GNB5: variants seen among roughly 807,000 people sequenced by gnomAD.
The protein encoded by GNB5 is guanine nucleotide-binding protein subunit beta-5.
Under a neutral mutation model 55.3 loss-of-function variants are expected in GNB5, and 37 were observed. The ratio of observed to expected loss-of-function variants is 0.67; its 90% confidence interval spans 0.51 to 0.88. GNB5 has a LOEUF of 0.88. Among genes scored for constraint, GNB5 ranks in the 40% least tolerant of loss-of-function variants. The probability of loss-of-function intolerance (pLI) is 0.00; values close to 1 mark genes in which losing one functional copy is unlikely to be tolerated. For synonymous variants in GNB5, 219 were observed against 198.5 expected (o/e 1.10, Z -0.87); for missense variants, 476 against 515.3 (o/e 0.92, Z 0.74).
At chr15:52,179,977 G>A in intron 2 of GNB5, 98 bp from the exon 3 acceptor site, 13 of 1,317,004 alleles carry the variant, frequency 9.9e-6, no homozygotes, top group Non-Finnish European at 1.3e-5. Context: ...CCCGAGCACC[G>A]CCCCGCGGCC....
At chr15:52,172,046 G>A (rs1487390786) in intron 3 of GNB5, among the ~76,000 whole-genome samples, 1 of 152,234 alleles carries the variant, frequency 6.6e-6, no homozygotes, top group Non-Finnish European at 1.5e-5. Flanking sequence ...TTCCTGGTCT[G>A]TCTGGTTTGA....
At chr15:52,190,410 C>T (rs1452528393) in intron 1 of GNB5, among the ~76,000 whole-genome samples, 1 of 152,166 alleles carries the variant, frequency 6.6e-6, no homozygotes, top group Non-Finnish European at 1.5e-5. Context: ...AGCCACCGCG[C>T]CCAGCCCAAA....
chr15:52,126,991 T>C (rs1467372538), intron 10 of GNB5, among the ~76,000 whole-genome samples: 2 of 152,106 alleles, frequency 1.3e-5, no homozygotes, highest in Non-Finnish European at 2.9e-5. Context: ...GAGATGGGGT[T>C]TCACCACATT....
intron 3 of GNB5, among the ~76,000 whole-genome samples, chr15:52,172,426 GCCT>G (rs1230578899): frequency 1.3e-5 from 2 of 151,896 alleles, no homozygotes; most frequent in Non-Finnish European, 2.9e-5. Context: ...ACCATGCCCG[GCCT>G]CCTTTTATTC....
In GNB5 at chr15:52,184,705, G is replaced by A; in HGVS notation, c.-18-11C>T. 1.9e-6 allele frequency: 3 copies of A among 1,603,584 alleles called. No individual in the cohort carries two copies. Among genetic ancestry groups the A allele is most frequent in the Non-Finnish European group, 2.6e-6 (3 of 1,173,458 alleles). Reference sequence around the variant, plus strand: ...TTACCCAAGATAAAGCTGAAAAAAAGTGAAAAGAAGGGAGGGGGTGTGAGA... The same window carrying A: ...TTACCCAAGATAAAGCTGAAAAAAAATGAAAAGAAGGGAGGGGGTGTGAGA... On this transcript the variant is annotated splice_polypyrimidine_tract_variant and intron_variant, in intron 1 of 12. Transcript: ENST00000261837.
At position 52,137,404 on chromosome 15, in the gene GNB5, AG is replaced by A. The variant is rs969364548; in HGVS notation, c.628-1649del. On this transcript the variant is annotated intron_variant, in intron 7 of 12. Transcript: ENST00000261837. Reference sequence around the variant, plus strand: ...GAAGGGAAGGGGAGAGACAAACTCCAGGGGGGCCTATGTCTGCACTAAATGA... The same window carrying A: ...GAAGGGAAGGGGAGAGACAAACTCCAGGGGGCCTATGTCTGCACTAAATGA... 8.7e-6 allele frequency: 9 copies of A among 1,030,040 alleles called. No individual in the cohort carries two copies. In the African/African-American group the frequency reaches 1.5e-4, roughly 18 times the overall value. The allele number at this position is 1,030,040 out of a possible 1,614,324, so 63.8% of individuals were successfully genotyped here.
intron 7 of GNB5, chr15:52,137,592 AG>A (rs1360928358): frequency 9.1e-7 from 1 of 1,102,908 alleles, no homozygotes; most frequent in African/African-American, 1.6e-5. Flanking sequence ...TCAGCCATAG[AG>A]TAAAGGCACA....
At chr15:52,124,357 C>G (rs117055290) in intron 12 of GNB5, 116 bp downstream of exon 12, 8 of 763,062 alleles carry the variant, frequency 1.0e-5, no homozygotes, top group African/African-American at 8.8e-5. Context: ...GAGAGCTCGG[C>G]GAGGCTGACC....
chr15:52,150,679 G>A (rs980120259), intron 4 of GNB5, among the ~76,000 whole-genome samples: 7 of 152,232 alleles, frequency 4.6e-5, no homozygotes. Context: ...CACTTTCACT[G>A]TAACCCAGCT....
intron 3 of GNB5, among the ~76,000 whole-genome samples, chr15:52,171,435 T>G (rs913957571): frequency 1.4e-4 from 21 of 152,342 alleles, no homozygotes; most frequent in African/African-American, 4.6e-4. Context: ...ATGACTTGTT[T>G]TCTTCTATAT....
intron 1 of GNB5, among the ~76,000 whole-genome samples, chr15:52,187,793 A>G (rs2141245452): frequency 6.6e-6 from 1 of 152,202 alleles, no homozygotes; most frequent in South Asian, 2.1e-4. Flanking sequence ...TACTAAAAAT[A>G]CAAAAATTAG....
chr15:52,139,827 T>A, intron 7 of GNB5: 1 of 1,263,558 alleles, frequency 7.9e-7, no homozygotes. Flanking sequence ...TGGTGCCCCC[T>A]TTCATCCCCA....
chr15:52,161,194 A>G (rs938286410), intron 3 of GNB5, among the ~76,000 whole-genome samples: 2 of 152,170 alleles, frequency 1.3e-5, no homozygotes, highest in Admixed American at 6.5e-5. Flanking sequence ...CAATAATGGG[A>G]GAATCTGTGG....
intron 4 of GNB5, among the ~76,000 whole-genome samples, chr15:52,152,503 T>G (rs1412845186): frequency 1.3e-5 from 2 of 150,182 alleles, no homozygotes. Context: ...TTTGTATTTT[T>G]TAGTAGACAC....
chr15:52,153,628 G>A lies in GNB5; in HGVS notation c.375+312C>T, dbSNP rs558137286. On this transcript the variant is annotated intron_variant, in intron 4 of 12. Transcript: ENST00000261837. ...AAGAAAGTCATTGACAGAATCTTAC[G>A]CCCTCAATTTGGAAAAAAAAGAAAC... 2.0e-5 allele frequency among the ~76,000 whole-genome samples: 3 copies of A among 151,894 alleles called. No homozygotes were observed. The South Asian group carries it at 6.2e-4, about 31-fold the overall frequency.
Position 52,179,759 on chromosome 15 carries a change from C to T in GNB5, c.238+9G>A. On this transcript the variant is annotated intron_variant, in intron 3 of 12. Transcript: ENST00000261837. ...GGCTTGCCCCGCCCGCCTCCCGGCC[C>T]GCACTCACGCTCCACATCGTGCAGC... The T allele has an allele frequency of 3.4e-6, 5 of 1,470,268 alleles. No homozygotes were observed. The highest frequency in any genetic ancestry group is 4.5e-6 in the Non-Finnish European group (5 of 1,108,058). 91.1% of individuals were successfully genotyped at this position (1,470,268 alleles called of 1,614,324 possible).
chr15:52,142,167 T>A (rs749612381), intron 6 of GNB5, among the ~76,000 whole-genome samples: 2 of 152,352 alleles, frequency 1.3e-5, no homozygotes, highest in Admixed American at 6.5e-5. Flanking sequence ...TCTTCCAAGA[T>A]TGGTAAAGCC....
intron 5 of GNB5, among the ~76,000 whole-genome samples, chr15:52,149,116 G>A (rs1023457569): frequency 6.6e-6 from 1 of 152,106 alleles, no homozygotes; most frequent in South Asian, 2.1e-4. Flanking sequence ...AAATGGTTTC[G>A]GCCCCTCACT....
At chr15:52,130,197 T>C (rs1012153172) in intron 9 of GNB5, among the ~76,000 whole-genome samples, 2 of 152,214 alleles carry the variant, frequency 1.3e-5, no homozygotes, top group Non-Finnish European at 2.9e-5. Context: ...TAAGTCACTG[T>C]GATTTGGGCT....
Sources: gnomAD v4.1 joint callset for allele counts (sites outside exome capture counted in the v4.1 genomes callset) on GRCh38, gnomAD v4.1.1 for gene constraint, MANE v1.5 for transcripts, NCBI Gene and HGNC (gene_info 2026-07-23, HGNC 2026-07-21) for gene names.